Variants in RNF144A observed in about 807,000 individuals in gnomAD.
RNF144A encodes the protein E3 ubiquitin-protein ligase RNF144A.
In RNF144A, 11 loss-of-function variants were observed where a neutral mutation model predicts 38.7. That is an observed-to-expected ratio of 0.28 (90% CI 0.18 to 0.47). The LOEUF is 0.47. Among genes scored for constraint, RNF144A ranks in the 20% least tolerant of loss-of-function variants. The pLI is 0.99. For missense variants in RNF144A, 316 were observed against 377.2 expected (o/e 0.84, Z 1.34); for synonymous variants, 149 against 143.9 (o/e 1.04, Z -0.25).
intron 6 of RNF144A, among the ~76,000 whole-genome samples, chr2:7,055,579 C>T (rs750534261): frequency 3.3e-5 from 5 of 152,174 alleles, no homozygotes; most frequent in East Asian, 1.9e-4. Context: ...TTATATCTTA[C>T]CATTTGCATG....
intron 1 of RNF144A, among the ~76,000 whole-genome samples, chr2:6,936,866 T>TGTGG (rs1215705188): frequency 6.6e-6 from 1 of 151,722 alleles, no homozygotes. Flanking sequence ...TGTGTGTGTG[T>TGTGG]GTGTGTGTGT....
chr2:7,072,838 A>G (rs888802601), downstream of RNF144A, among the ~76,000 whole-genome samples: 2 of 152,238 alleles, frequency 1.3e-5, no homozygotes, highest in Non-Finnish European at 2.9e-5. Flanking sequence ...AGAAAATCAG[A>G]AAGACCAGAA....
intron 6 of RNF144A, among the ~76,000 whole-genome samples, chr2:7,054,702 C>T (rs1454142959): frequency 6.6e-6 from 1 of 152,186 alleles, no homozygotes; most frequent in Non-Finnish European, 1.5e-5. Flanking sequence ...AGGACCACAG[C>T]AAGGGGCACC....
chr2:6,984,923 T>C (rs1045678843), intron 2 of RNF144A, among the ~76,000 whole-genome samples: 4 of 152,220 alleles, frequency 2.6e-5, no homozygotes, highest in African/African-American at 7.2e-5. Context: ...TCTGCAGATA[T>C]GTTTTGCCTC....
chr2:6,922,872 C>T (rs927238693), intron 1 of RNF144A, among the ~76,000 whole-genome samples: 1 of 151,242 alleles, frequency 6.6e-6, no homozygotes, highest in East Asian at 2.0e-4. Context: ...GATCCGCCCG[C>T]CTCGGCCTCC....
chr2:7,042,345 G>A lies in RNF144A; in HGVS notation c.*2585G>A, dbSNP rs535807752. 16 of 985,400 alleles carry A rather than the reference G, an allele frequency of 1.6e-5. No individual in the cohort carries two copies. The highest frequency in any genetic ancestry group is 9.4e-5 in the South Asian group (2 of 21,280). The allele number at this position is 985,400 out of a possible 1,614,324, so 61.0% of individuals were successfully genotyped here. A position where few individuals can be genotyped will look rare whatever the true frequency, so the allele number is the denominator to read the frequency against. The stretch of plus-strand genomic sequence containing the variant: ...CTGGGGAGTTCTGCGTTGAGTGGAC[G>A]GACTTATTCCTGTGAAGCGGCATAA... On this transcript the variant is annotated 3_prime_UTR_variant, in exon 9 of 9. Transcript: ENST00000320892.
At chr2:6,979,412 T>A (rs1668497859) in intron 2 of RNF144A, among the ~76,000 whole-genome samples, 1 of 152,220 alleles carries the variant, frequency 6.6e-6, no homozygotes, top group Non-Finnish European at 1.5e-5. Flanking sequence ...TATCTCTGCA[T>A]CCTAGCCAAC....
chr2:7,050,044 G>A (rs6431843), intron 6 of RNF144A, among the ~76,000 whole-genome samples: 2 of 152,126 alleles, frequency 1.3e-5, no homozygotes, highest in Admixed American at 6.5e-5. Context: ...TTGGAAGCTG[G>A]TCATGACTTT....
chr2:6,941,405 AC>A lies in RNF144A; in HGVS notation c.-12+259del, dbSNP rs1482230957. ...CAGGTTTATTCATTTGCTGCTTTTA[AC>A]AATCCTTGGAGTCTCCTGTTTTAGA... On this transcript the variant is annotated intron_variant, in intron 2 of 8. Transcript: ENST00000320892. This position sits in a 1 kb window ranked among gnomAD's most constrained non-coding sequence, Gnocchi z 6.5. Among the ~76,000 whole-genome samples the A allele has an allele frequency of 6.6e-6, 1 of 152,208 alleles. No individual in the cohort carries two copies. The highest frequency in any genetic ancestry group is 1.5e-5 in the Non-Finnish European group (1 of 68,028).
intron 3 of RNF144A, among the ~76,000 whole-genome samples, chr2:7,013,990 C>T (rs1431690808): frequency 6.6e-6 from 1 of 152,214 alleles, no homozygotes; most frequent in Non-Finnish European, 1.5e-5. Context: ...GCAACTTCCT[C>T]CTTTGCTGAC....
intron 1 of RNF144A, among the ~76,000 whole-genome samples, chr2:6,928,113 C>T (rs927092810): frequency 1.3e-5 from 2 of 152,206 alleles, no homozygotes; most frequent in African/African-American, 2.4e-5. Flanking sequence ...TGTTTGGGCA[C>T]GTCCTTCTTT....
At chr2:7,068,231 G>A in exon 7 of RNF144A, 1 of 1,302,344 alleles carries the variant, frequency 7.7e-7, no homozygotes, top group Non-Finnish European at 1.0e-6. Flanking sequence ...TGCCATCTTA[G>A]AGAAATGCAT....
intron 2 of RNF144A, among the ~76,000 whole-genome samples, chr2:6,961,335 T>G (rs1204284119): frequency 1.3e-5 from 2 of 152,038 alleles, no homozygotes; most frequent in Non-Finnish European, 2.9e-5. Context: ...GGAAAAAAAA[T>G]TATTTTCTGA....
chr2:7,016,143 T>G (rs1001953847), intron 5 of RNF144A, among the ~76,000 whole-genome samples: 5 of 149,672 alleles, frequency 3.3e-5, no homozygotes, highest in Non-Finnish European at 7.4e-5. Flanking sequence ...GAAAAAAATA[T>G]GTAGCCCACT....
intron 1 of RNF144A, among the ~76,000 whole-genome samples, chr2:6,924,631 C>T (rs138275038): frequency 8.2e-4 from 125 of 152,364 alleles, no homozygotes; most frequent in African/African-American, 2.8e-3. Flanking sequence ...GAGGGGCCTC[C>T]ATCTCCCTTC....
chr2:6,950,056 G>T (rs993352431), intron 2 of RNF144A, among the ~76,000 whole-genome samples: 1 of 152,076 alleles, frequency 6.6e-6, no homozygotes, highest in Non-Finnish European at 1.5e-5. Context: ...TAAGCAGTGC[G>T]TTTAAAGAGC....
At chr2:6,988,137 T>C (rs2103374575) in intron 2 of RNF144A, among the ~76,000 whole-genome samples, 1 of 152,370 alleles carries the variant, frequency 6.6e-6, no homozygotes, top group South Asian at 2.1e-4. Context: ...TTTACAGATT[T>C]AGTTTTAGAT....
intron 1 of RNF144A, among the ~76,000 whole-genome samples, chr2:6,925,928 C>A (rs1034668103): frequency 2.0e-5 from 3 of 152,166 alleles, no homozygotes; most frequent in Non-Finnish European, 4.4e-5. Context: ...TATATATGTA[C>A]CAGTATCAGG....
intron 3 of RNF144A, among the ~76,000 whole-genome samples, chr2:7,008,626 G>A (rs908277104): frequency 8.5e-5 from 13 of 152,170 alleles, no homozygotes; most frequent in African/African-American, 3.1e-4. Flanking sequence ...GCCAGATGCT[G>A]TTCCTGAGCA....
Sources: gnomAD v4.1 joint callset for allele counts (sites outside exome capture counted in the v4.1 genomes callset) on GRCh38, gnomAD v4.1.1 for gene constraint, Gnocchi (gnomAD v3.1) non-coding constraint, MANE v1.5 for transcripts, NCBI Gene and HGNC (gene_info 2026-07-23, HGNC 2026-07-21) for gene names.